Variants in G3BP2 observed in about 807,000 individuals in gnomAD.
G3BP2 encodes the protein ras GTPase-activating protein-binding protein 2.
G3BP2 carries 11 observed loss-of-function variants against 56.7 expected under a neutral mutation model. That is an observed-to-expected ratio of 0.19 (90% CI 0.12 to 0.32). The LOEUF is 0.32. Among genes scored for constraint, G3BP2 ranks in the 10% least tolerant of loss-of-function variants. G3BP2 has a pLI of 1.00. For synonymous variants in G3BP2, 165 were observed against 191.6 expected, an observed-to-expected ratio of 0.86 and a Z score of 1.15; for missense variants, 340 against 610.9, an observed-to-expected ratio of 0.56 and a Z score of 4.67.
intron 1 of G3BP2, among the ~76,000 whole-genome samples, chr4:75,663,769 G>T (rs1732759228): frequency 6.6e-6 from 1 of 151,884 alleles, no homozygotes; most frequent in Non-Finnish European, 1.5e-5. Flanking sequence ...CTGAGGCAGA[G>T]AATTGCTTGA....
At chr4:75,694,372 C>A (rs1180789386) in intron 3 of G3BP2, among the ~76,000 whole-genome samples, 2 of 152,114 alleles carry the variant, frequency 1.3e-5, no homozygotes, top group Non-Finnish European at 2.9e-5. Context: ...GAGGCCGAGG[C>A]GGGTGGATCA....
At chr4:75,663,935 G>T (rs1314342571) in intron 1 of G3BP2, among the ~76,000 whole-genome samples, 1 of 7,254 alleles carries the variant, frequency 1.4e-4, no homozygotes, top group East Asian at 0.011. Context: ...GCCCAGGCTG[G>T]AGTCCAGTGG....
upstream of G3BP2, chr4:75,673,705 A>C: frequency 9.6e-7 from 1 of 1,040,700 alleles, no homozygotes; most frequent in South Asian, 5.1e-5. Flanking sequence ...CTTCTTCCTG[A>C]TCGCGCAAGC....
chr4:75,701,857 C>A (rs971544232), intron 3 of G3BP2, among the ~76,000 whole-genome samples: 3 of 152,096 alleles, frequency 2.0e-5, no homozygotes, highest in Non-Finnish European at 4.4e-5. Flanking sequence ...AAAGATAGAC[C>A]TTGAAGAGGT....
chr4:75,721,671 G>C (rs1720184998), intron 2 of G3BP2, among the ~76,000 whole-genome samples: 1 of 152,044 alleles, frequency 6.6e-6, no homozygotes, highest in Non-Finnish European at 1.5e-5. Flanking sequence ...TCCCAAGCAG[G>C]CATAGACAAC....
At chr4:75,712,471 C>T (rs1279802854) in intron 3 of G3BP2, among the ~76,000 whole-genome samples, 2 of 152,126 alleles carry the variant, frequency 1.3e-5, no homozygotes, top group Non-Finnish European at 2.9e-5. Flanking sequence ...CACATTGATT[C>T]TGTGAGAAGA....
chr4:75,687,612 T>C (rs1471525081), intron 3 of G3BP2, among the ~76,000 whole-genome samples: 1 of 152,252 alleles, frequency 6.6e-6, no homozygotes, highest in Non-Finnish European at 1.5e-5. Context: ...TGCTTAGGAA[T>C]ACATTTTTCA....
At chr4:75,648,346 CAAAA>C (rs755058695) in intron 9 of G3BP2, among the ~76,000 whole-genome samples, 130 of 94,526 alleles carry the variant, frequency 1.4e-3, no homozygotes, top group African/African-American at 4.0e-3. Context: ...GACTCCGTCT[CAAAA>C]AAAAAACAAA....
At chr4:75,721,004 G>C (rs12506101) in intron 2 of G3BP2, among the ~76,000 whole-genome samples, 12,831 of 147,938 alleles carry the variant, frequency 0.087, 726 homozygotes, top group South Asian at 0.25. Context: ...AATTAGCCAG[G>C]CATGATGGTG....
intron 6 of G3BP2, 130 bp from the exon 7 acceptor site, chr4:75,655,376 C>G: frequency 1.5e-6 from 1 of 680,330 alleles, no homozygotes; most frequent in Middle Eastern, 4.0e-4. Flanking sequence ...GTATTCAAAG[C>G]AAAATTCCAA....
intron 3 of G3BP2, among the ~76,000 whole-genome samples, chr4:75,680,458 T>C (rs1300511867): frequency 3.0e-4 from 45 of 152,340 alleles, no homozygotes; most frequent in Non-Finnish European, 1.5e-5. Flanking sequence ...CTACTTAGGA[T>C]TGTTCTGAAG....
intron 3 of G3BP2, among the ~76,000 whole-genome samples, chr4:75,715,755 T>C (rs1302145520): frequency 1.3e-4 from 20 of 152,306 alleles, no homozygotes; most frequent in Admixed American, 1.3e-3. Flanking sequence ...CTGAAGTTGA[T>C]AGCAATCACT....
upstream of G3BP2, among the ~76,000 whole-genome samples, chr4:75,677,832 A>G (rs1175438436): frequency 2.6e-5 from 4 of 152,198 alleles, no homozygotes; most frequent in Admixed American, 2.6e-4. Flanking sequence ...CCCCTCCAAA[A>G]TTCATGTTGA....
chr4:75,683,955 G>T (rs1384277796), intron 3 of G3BP2, among the ~76,000 whole-genome samples: 1 of 152,182 alleles, frequency 6.6e-6, no homozygotes, highest in African/African-American at 2.4e-5. Context: ...TAAGGGCAAT[G>T]TTGGAAGCAG....
In G3BP2 at chr4:75,699,719, T is replaced by G. The variant is rs181117823; in HGVS notation, c.-25+21158A>C. Among the ~76,000 whole-genome samples, 637 of 152,318 alleles carry G rather than the reference T, an allele frequency of 4.2e-3. 8 individuals carry two copies. The highest frequency in any genetic ancestry group is 0.015 in the African/African-American group (605 of 41,564). On this transcript the variant is annotated intron_variant, in intron 3 of 3. Coordinates refer to the G3BP2 transcript ENST00000499709. The stretch of plus-strand genomic sequence containing the variant: ...TGTCATGGCTCACACTGACATAATA[T>G]TTTCTCTTATAGTTGTTGTTTTTCA...
chr4:75,666,194 G>C (rs1264480592), intron 1 of G3BP2, among the ~76,000 whole-genome samples: 1 of 152,128 alleles, frequency 6.6e-6, no homozygotes, highest in African/African-American at 2.4e-5. Flanking sequence ...AAGTATAATG[G>C]CCAACATACC....
In G3BP2 at chr4:75,694,475, G is replaced by C. The variant is rs577865685; in HGVS notation, c.-25+26402C>G. ...AAAAATTAGCCGGGCGTGGTGGCGG[G>C]CGCCTGTAGTCCCAGCTGTGCGGAA... is the stretch of plus-strand genomic sequence containing the variant. On this transcript the variant is annotated intron_variant, in intron 3 of 3. Coordinates refer to the G3BP2 transcript ENST00000499709. 2.6e-5 allele frequency among the ~76,000 whole-genome samples: 4 copies of C among 152,362 alleles called. No homozygotes were observed. In the East Asian group the frequency reaches 7.7e-4, roughly 29 times the overall value.
Position 75,662,003 on chromosome 4 carries a change from G to T in G3BP2, c.23C>A (p.Pro8Gln). The T allele has an allele frequency of 6.2e-7, 1 of 1,610,976 alleles. No individual in the cohort carries two copies. Among genetic ancestry groups the T allele is most frequent in the South Asian group, 1.1e-5 (1 of 90,974 alleles). Reference sequence around the variant, plus strand: ...CACAAACTCCCGCCCTACAAGCAGCGGACTGGGCTTCTCCATAACCATTTC... The same window carrying T: ...CACAAACTCCCGCCCTACAAGCAGCTGACTGGGCTTCTCCATAACCATTTC... MVMEKPS[P>Q]LLVGREFVRQ... Residue 8 changes from proline to glutamine, a missense_variant, in exon 2 of 12, where the codon CCG (proline) becomes CAG (glutamine). Transcript: ENST00000359707.
chr4:75,719,057 T>A (rs1720040048), intron 3 of G3BP2, among the ~76,000 whole-genome samples: 1 of 152,112 alleles, frequency 6.6e-6, no homozygotes, highest in African/African-American at 2.4e-5. Context: ...AACGTTCAGT[T>A]GTTAAGAAAT....
Sources: allele counts gnomAD v4.1 joint callset (sites outside exome capture counted in the v4.1 genomes callset), GRCh38; gene constraint gnomAD v4.1.1; transcripts MANE v1.5; gene names NCBI Gene and HGNC (gene_info 2026-07-23, HGNC 2026-07-21).